PTPRM: variants seen among roughly 807,000 people sequenced by gnomAD.
PTPRM encodes receptor-type tyrosine-protein phosphatase mu.
A neutral mutation model predicts 186.7 loss-of-function variants in PTPRM; 47 were observed. The ratio of observed to expected loss-of-function variants is 0.25; its 90% CI spans 0.20 to 0.32. The LOEUF (loss-of-function observed/expected upper bound fraction) is 0.32. Ranked by LOEUF, PTPRM falls within the 10% of genes least tolerant of loss-of-function variation. The pLI is 1.00. For synonymous variants in PTPRM, 668 were observed against 674.9 expected, an observed-to-expected ratio of 0.99 and a Z score of 0.16; for missense variants, 1,494 against 1,865.0, an observed-to-expected ratio of 0.80 and a Z score of 3.66.
chr18:7,605,360 T>G (rs766252449), intron 1 of PTPRM, among the ~76,000 whole-genome samples: 2 of 152,158 alleles, frequency 1.3e-5, no homozygotes, highest in Non-Finnish European at 2.9e-5. Flanking sequence ...TGATGATAAA[T>G]TCTTAGAAAT....
At chr18:7,705,393 C>G (rs2040064114) in intron 1 of PTPRM, among the ~76,000 whole-genome samples, 1 of 148,996 alleles carries the variant, frequency 6.7e-6, no homozygotes, top group Non-Finnish European at 1.5e-5. Context: ...ATCTGCCTCT[C>G]TCTTTCTTTC....
intron 14 of PTPRM, among the ~76,000 whole-genome samples, chr18:8,217,991 G>A (rs777842454): frequency 7.9e-5 from 12 of 152,110 alleles, no homozygotes; most frequent in Non-Finnish European, 1.5e-4. Flanking sequence ...TTGGTGTGCT[G>A]TTACCCTTCG....
intron 19 of PTPRM, among the ~76,000 whole-genome samples, chr18:8,254,581 G>A (rs2094557484): frequency 6.6e-6 from 1 of 152,170 alleles, no homozygotes; most frequent in African/African-American, 2.4e-5. Context: ...TCAGAGTTGG[G>A]AAACATCTTG....
intron 2 of PTPRM, among the ~76,000 whole-genome samples, chr18:7,858,873 C>G (rs1017194753): frequency 6.6e-6 from 1 of 152,164 alleles, no homozygotes; most frequent in Non-Finnish European, 1.5e-5. Flanking sequence ...CCTCCCAGAG[C>G]TGATATCCCA....
At chr18:7,884,771 A>G (rs562177125) in intron 2 of PTPRM, among the ~76,000 whole-genome samples, 20 of 151,880 alleles carry the variant, frequency 1.3e-4, no homozygotes, top group South Asian at 1.3e-3. Context: ...AAAAATACAA[A>G]AAATTAGCCA....
At chr18:8,004,222 A>T (rs923045545) in intron 7 of PTPRM, among the ~76,000 whole-genome samples, 14 of 152,148 alleles carry the variant, frequency 9.2e-5, no homozygotes, top group African/African-American at 3.4e-4. Context: ...ACTTACTTAC[A>T]GTAAGGGTTG....
intron 3 of PTPRM, among the ~76,000 whole-genome samples, chr18:7,900,937 A>G (rs2049641756): frequency 6.6e-6 from 1 of 152,232 alleles, no homozygotes; most frequent in South Asian, 2.1e-4. Context: ...AATATTTTCA[A>G]TATATTTTGT....
At chr18:7,945,872 A>G (rs986153262) in intron 5 of PTPRM, among the ~76,000 whole-genome samples, 1 of 152,236 alleles carries the variant, frequency 6.6e-6, no homozygotes, top group Non-Finnish European at 1.5e-5. Context: ...AATGGCCTGC[A>G]GATTTGAGTA....
At chr18:7,967,710 T>C (rs966059882) in intron 7 of PTPRM, among the ~76,000 whole-genome samples, 1 of 134,302 alleles carries the variant, frequency 7.4e-6, no homozygotes, top group African/African-American at 3.0e-5. Context: ...GTATCAGCAA[T>C]GCAAGATGAA....
chr18:7,643,345 A>T (rs1047914613), intron 1 of PTPRM, among the ~76,000 whole-genome samples: 1 of 151,764 alleles, frequency 6.6e-6, no homozygotes, highest in African/African-American at 2.4e-5. Context: ...TTTTATTTTT[A>T]TTTATTTATT....
chr18:7,823,392 G>T (rs1056946773), intron 2 of PTPRM, among the ~76,000 whole-genome samples: 1 of 152,212 alleles, frequency 6.6e-6, no homozygotes, highest in Non-Finnish European at 1.5e-5. Context: ...ATGGACAGGG[G>T]TGCCCAGCAG....
At chr18:7,701,804 AC>A (rs760569894) in intron 1 of PTPRM, among the ~76,000 whole-genome samples, 6 of 151,924 alleles carry the variant, frequency 3.9e-5, no homozygotes, top group Non-Finnish European at 5.9e-5. Flanking sequence ...GGTTTGCTGC[AC>A]CCATCAACCC....
chr18:8,091,587 A>ATTTTT (rs371274350), intron 11 of PTPRM, among the ~76,000 whole-genome samples: 1 of 140,218 alleles, frequency 7.1e-6, no homozygotes, highest in African/African-American at 2.6e-5. Context: ...TGTCGAAAAG[A>ATTTTT]TTTTTTTTTT....
chr18:7,894,382 C>G (rs1056983294), intron 3 of PTPRM, among the ~76,000 whole-genome samples: 7 of 151,854 alleles, frequency 4.6e-5, no homozygotes, highest in African/African-American at 1.7e-4. Flanking sequence ...GTCAGGAGAT[C>G]GAGACCAGCC....
At chr18:7,926,436 A>G (rs1446433404) in intron 4 of PTPRM, 132 bp from the exon 5 acceptor site, 3 of 523,174 alleles carry the variant, frequency 5.7e-6, no homozygotes, top group Admixed American at 3.7e-5. Flanking sequence ...TAAAGCTTAT[A>G]TAAGCAAAAG....
chr18:7,793,941 C>A (rs564583112), intron 2 of PTPRM, among the ~76,000 whole-genome samples: 1 of 152,090 alleles, frequency 6.6e-6, no homozygotes, highest in East Asian at 1.9e-4. Flanking sequence ...GGGAACATAG[C>A]GGCAGAAGAG....
chr18:7,941,712 C>T (rs564608869), intron 5 of PTPRM, among the ~76,000 whole-genome samples: 2 of 152,334 alleles, frequency 1.3e-5, no homozygotes, highest in African/African-American at 2.4e-5. Context: ...TTGGTGCCAA[C>T]GAGCAGCTGC....
chr18:8,269,713 A>G (rs1428481570), intron 19 of PTPRM, among the ~76,000 whole-genome samples: 1 of 152,054 alleles, frequency 6.6e-6, no homozygotes, highest in African/African-American at 2.4e-5. Flanking sequence ...CAGAATTAGG[A>G]GCCCAGAAAT....
intron 7 of PTPRM, among the ~76,000 whole-genome samples, chr18:7,981,154 C>T (rs2082529139): frequency 1.3e-5 from 2 of 152,156 alleles, no homozygotes; most frequent in Non-Finnish European, 2.9e-5. Flanking sequence ...ACTACTCCTA[C>T]CTCTCTGCCC....
Sources: gnomAD v4.1 joint callset for allele counts (sites outside exome capture counted in the v4.1 genomes callset) on GRCh38, gnomAD v4.1.1 for gene constraint, MANE v1.5 for transcripts, NCBI Gene and HGNC (gene_info 2026-07-23, HGNC 2026-07-21) for gene names.